ADCY5: variants seen among roughly 807,000 people sequenced by gnomAD.
ADCY5 encodes the protein adenylate cyclase 5, also known as adenylate cyclase type 5.
In ADCY5, 30 loss-of-function variants were observed where a neutral mutation model predicts 119.7. That is an observed-to-expected ratio of 0.25 (90% CI 0.19 to 0.34). The LOEUF (loss-of-function observed/expected upper bound fraction) is 0.34, where lower values mean the gene tolerates loss of function less well. ADCY5 is among the 10% of genes least tolerant of loss of function. The pLI, the probability that ADCY5 is intolerant of heterozygous loss-of-function variation, is 1.00. For missense variants in ADCY5, 1,324 were observed against 1,775.2 expected (o/e 0.75, Z 4.57); for synonymous variants, 753 against 762.2 (o/e 0.99, Z 0.20).
At chr3:123,377,128 C>T (rs561186819) in intron 1 of ADCY5, among the ~76,000 whole-genome samples, 22 of 152,348 alleles carry the variant, frequency 1.4e-4, no homozygotes, top group African/African-American at 5.3e-4. Context: ...ACAGCAGCCA[C>T]GATGATCTTC....
At chr3:123,323,341 G>T (rs1045691664) in intron 8 of ADCY5, among the ~76,000 whole-genome samples, 2 of 152,172 alleles carry the variant, frequency 1.3e-5, no homozygotes, top group African/African-American at 4.8e-5. Context: ...TAATATATCT[G>T]CCAACACAGT....
chr3:123,313,107 A>G (rs1940680619), intron 12 of ADCY5, among the ~76,000 whole-genome samples: 2 of 146,962 alleles, frequency 1.4e-5, no homozygotes, highest in Admixed American at 1.3e-4. Flanking sequence ...TGCTTCTCAC[A>G]CGTGCCCAAT....
intron 1 of ADCY5, among the ~76,000 whole-genome samples, chr3:123,399,173 G>C (rs1357635698): frequency 6.6e-6 from 1 of 152,208 alleles, no homozygotes; most frequent in Non-Finnish European, 1.5e-5. Context: ...ATAGATACCA[G>C]ATTCCAAAGA....
intron 19 of ADCY5, among the ~76,000 whole-genome samples, chr3:123,287,526 C>T (rs1006067660): frequency 6.6e-5 from 10 of 152,198 alleles, no homozygotes; most frequent in Admixed American, 6.5e-5. Context: ...CTGCCGGTCT[C>T]GTACTGTCCT....
At chr3:123,396,055 AGGGAGGGT>A in intron 1 of ADCY5, among the ~76,000 whole-genome samples, 2 of 46,944 alleles carry the variant, frequency 4.3e-5, no homozygotes, top group Non-Finnish European at 7.8e-5. Context: ...GGAGAGAGGG[AGGGAGGGT>A]GGGAGGGAGA....
chr3:123,318,076 C>G lies in ADCY5; in HGVS notation c.2298G>C (p.Ala766=), dbSNP rs761878371. The G allele has an allele frequency of 4.3e-6, 7 of 1,613,706 alleles. No homozygotes were observed. Among genetic ancestry groups the G allele is most frequent in the Non-Finnish European group, 5.9e-6 (7 of 1,179,916 alleles). ...TGAAGAGGAAGACGAGCGAGGCACA[C>G]GCCACATAGGCACCAAATCGGTCGT... ...QVDDRFGAYV[A]CASLVFLFIC... Residue 766 remains alanine (A), a synonymous_variant, in exon 11 of 21, where the codon GCG becomes GCC. Transcript: ENST00000462833.
At chr3:123,345,197 G>C (rs1435237243) in intron 3 of ADCY5, among the ~76,000 whole-genome samples, 1 of 152,212 alleles carries the variant, frequency 6.6e-6, no homozygotes, top group African/African-American at 2.4e-5. Context: ...AGGGCTGGGG[G>C]CCCAAGAGCC....
intron 1 of ADCY5, among the ~76,000 whole-genome samples, chr3:123,445,268 C>A (rs1372273578): frequency 6.6e-6 from 1 of 152,122 alleles, no homozygotes; most frequent in African/African-American, 2.4e-5. Flanking sequence ...GCCTAAGGAA[C>A]CAGAAGGAGA....
chr3:123,405,295 G>T (rs576453617), intron 1 of ADCY5, among the ~76,000 whole-genome samples: 2 of 152,376 alleles, frequency 1.3e-5, no homozygotes, highest in Admixed American at 6.5e-5. Flanking sequence ...TCCCTTGGCT[G>T]CATGGCCAGG....
intron 1 of ADCY5, chr3:123,368,011 G>T: frequency 6.7e-7 from 1 of 1,502,850 alleles, no homozygotes; most frequent in Non-Finnish European, 8.8e-7. Flanking sequence ...GGGACCATGG[G>T]CACCTCAGCA....
chr3:123,401,039 C>T (rs1158037482), intron 1 of ADCY5, among the ~76,000 whole-genome samples: 1 of 68,528 alleles, frequency 1.5e-5, no homozygotes, highest in Admixed American at 1.9e-4. Flanking sequence ...AGGAACACTG[C>T]ACTCCTGTGG....
chr3:123,421,456 G>A (rs1244369131), intron 1 of ADCY5, among the ~76,000 whole-genome samples: 3 of 152,162 alleles, frequency 2.0e-5, no homozygotes, highest in Non-Finnish European at 4.4e-5. Context: ...CACTTGTGCC[G>A]GTTCTGAGCA....
chr3:123,351,158 C>T (rs538690449), intron 2 of ADCY5, among the ~76,000 whole-genome samples: 2 of 152,212 alleles, frequency 1.3e-5, no homozygotes, highest in African/African-American at 2.4e-5. Flanking sequence ...ACCGAGGCAG[C>T]GCTGGAAGGG....
chr3:123,430,871 A>G (rs775509697), intron 1 of ADCY5, among the ~76,000 whole-genome samples: 3 of 152,164 alleles, frequency 2.0e-5, no homozygotes, highest in Non-Finnish European at 2.9e-5. Context: ...CCTGCAGCAG[A>G]AGGGTCCTTG....
chr3:123,369,462 AGCATTT>A (rs921165323), intron 1 of ADCY5, among the ~76,000 whole-genome samples: 1 of 152,192 alleles, frequency 6.6e-6, no homozygotes. Context: ...ATGGCCACTA[AGCATTT>A]GGAGATGGTT....
At chr3:123,357,708 T>TAC (rs891332241) in intron 1 of ADCY5, among the ~76,000 whole-genome samples, 3 of 152,044 alleles carry the variant, frequency 2.0e-5, no homozygotes, top group African/African-American at 7.2e-5. Context: ...ATAGCTGCCT[T>TAC]ACACACACAC....
chr3:123,320,758 G>C lies in ADCY5; in HGVS notation c.2102C>G (p.Pro701Arg). 1.1e-5 allele frequency: 18 copies of C among 1,610,714 alleles called. No homozygotes were observed. Among genetic ancestry groups the C allele is most frequent in the Non-Finnish European group, 1.5e-5 (18 of 1,177,044 alleles). ...AGGGCATATTACTCACTTGTCCTTG[G>C]GGTCTTCAAAGCCCTAGAAGAGAAG... ...KEMKRMGFED[P>R]KDKNAQESAN... is the part of the protein sequence containing the mutation. The change falls in exon 9 of 21, where the codon CCC becomes CGC. Residue 701 changes from proline to arginine, a missense_variant. Physicochemically the swap from Pro to Arg is moderately radical, Grantham distance 103 (BLOSUM62 -2). Coordinates refer to ENST00000462833, the MANE Select transcript of ADCY5 (RefSeq NM_183357.3).
chr3:123,363,635 G>A (rs116214519), intron 1 of ADCY5, among the ~76,000 whole-genome samples: 1,680 of 152,284 alleles, frequency 0.011, 14 homozygotes, highest in Admixed American at 0.022. Context: ...GTCACCAGGC[G>A]CAGTGGCTCA....
At chr3:123,372,514 C>G (rs1168588330) in intron 1 of ADCY5, among the ~76,000 whole-genome samples, 1 of 152,210 alleles carries the variant, frequency 6.6e-6, no homozygotes, top group East Asian at 1.9e-4. Flanking sequence ...AGCCCCGAGT[C>G]CTCAGAAAGG....
Sources: gnomAD v4.1 joint callset for allele counts (sites outside exome capture counted in the v4.1 genomes callset) on GRCh38, gnomAD v4.1.1 for gene constraint, MANE v1.5 for transcripts, NCBI Gene and HGNC (gene_info 2026-07-23, HGNC 2026-07-21) for gene names.